The following ARHGAP26 variants were observed in gnomAD, a reference collection of about 807,000 sequenced individuals.
The protein encoded by ARHGAP26 is rho GTPase-activating protein 26.
A neutral mutation model predicts 104.8 loss-of-function variants in ARHGAP26; 38 were observed. That is an observed-to-expected ratio of 0.36 (90% CI 0.28 to 0.48). ARHGAP26 has a LOEUF of 0.48. ARHGAP26 is among the 20% of genes least tolerant of loss of function. The pLI, the probability that ARHGAP26 is intolerant of heterozygous loss-of-function variation, is 0.99. For synonymous variants in ARHGAP26, 341 were observed against 340.0 expected, an observed-to-expected ratio of 1.00 and a Z score of -0.03; for missense variants, 704 against 947.9, an observed-to-expected ratio of 0.74 and a Z score of 3.38.
At chr5:143,109,259 C>T (rs868616691) in intron 17 of ARHGAP26, among the ~76,000 whole-genome samples, 2 of 152,240 alleles carry the variant, frequency 1.3e-5, no homozygotes, top group Middle Eastern at 3.4e-3. Flanking sequence ...AGCACAATGA[C>T]CAAGAGGAAA....
intron 12 of ARHGAP26, among the ~76,000 whole-genome samples, chr5:143,023,119 T>C (rs1780567528): frequency 6.6e-6 from 1 of 152,202 alleles, no homozygotes; most frequent in South Asian, 2.1e-4. Context: ...CCCACCACTC[T>C]CCCACAGGGA....
At chr5:143,041,615 A>T (rs1338806043) in intron 13 of ARHGAP26, 1 of 572,870 alleles carries the variant, frequency 1.7e-6, no homozygotes, top group Non-Finnish European at 3.2e-6. Context: ...TGTGCAGCAC[A>T]TCCGTGAAAT....
intron 5 of ARHGAP26, among the ~76,000 whole-genome samples, chr5:142,886,590 A>G (rs1757738749): frequency 6.6e-6 from 1 of 152,254 alleles, no homozygotes; most frequent in Non-Finnish European, 1.5e-5. Context: ...TACAAAGCAG[A>G]AAATACTAAT....
intron 7 of ARHGAP26, 36 bp downstream of exon 7, chr5:142,902,075 T>G (rs1471779096): frequency 6.3e-7 from 1 of 1,583,598 alleles, no homozygotes; most frequent in East Asian, 2.2e-5. Context: ...TTTTATCTGG[T>G]TAAGGAAAAA....
chr5:143,077,072 A>G (rs1023923992), intron 17 of ARHGAP26, among the ~76,000 whole-genome samples: 2 of 152,250 alleles, frequency 1.3e-5, no homozygotes, highest in Admixed American at 1.3e-4. Flanking sequence ...ATTGGCTTAT[A>G]TGCCTGATAG....
chr5:142,877,897 C>T (rs1024854960), intron 3 of ARHGAP26, among the ~76,000 whole-genome samples: 3 of 152,160 alleles, frequency 2.0e-5, no homozygotes, highest in Non-Finnish European at 4.4e-5. Context: ...CAGAGACTTG[C>T]AGATGGTTTG....
At chr5:142,960,164 G>T (rs570622429) in intron 11 of ARHGAP26, among the ~76,000 whole-genome samples, 241 of 152,350 alleles carry the variant, frequency 1.6e-3, no homozygotes, top group African/African-American at 5.3e-3. Flanking sequence ...AGCAGCAGAA[G>T]AAAGTATACT....
chr5:143,204,434 G>A (rs1363735139), intron 20 of ARHGAP26, among the ~76,000 whole-genome samples: 1 of 152,240 alleles, frequency 6.6e-6, no homozygotes, highest in East Asian at 1.9e-4. Context: ...TGAGGTAGGA[G>A]AATCGCTTGA....
chr5:143,187,793 C>G (rs1289437955), intron 20 of ARHGAP26, among the ~76,000 whole-genome samples: 2 of 152,172 alleles, frequency 1.3e-5, no homozygotes, highest in Admixed American at 6.5e-5. Context: ...CCAGCCCTAC[C>G]TGGCATGTCA....
intron 22 of ARHGAP26, 74 bp from the exon 23 acceptor site, chr5:143,222,283 AC>A: frequency 1.2e-6 from 1 of 861,572 alleles, no homozygotes; most frequent in Non-Finnish European, 1.8e-6. Flanking sequence ...ACACACACAC[AC>A]CCCACACACA....
intron 12 of ARHGAP26, chr5:143,014,377 G>C: frequency 1.8e-6 from 1 of 543,522 alleles, no homozygotes; most frequent in Non-Finnish European, 3.3e-6. Context: ...GCATTCTCGT[G>C]TACATTATCT....
chr5:143,157,427 C>G (rs985110634), intron 20 of ARHGAP26, among the ~76,000 whole-genome samples: 1 of 152,198 alleles, frequency 6.6e-6, no homozygotes, highest in Non-Finnish European at 1.5e-5. Context: ...ATCCACCTGC[C>G]TCAGCCTCCC....
chr5:142,906,901 G>T (rs925264767), intron 8 of ARHGAP26, among the ~76,000 whole-genome samples: 1 of 151,838 alleles, frequency 6.6e-6, no homozygotes, highest in African/African-American at 2.4e-5. Flanking sequence ...AATTTCTGCT[G>T]TGTGATCTCC....
At chr5:143,163,750 C>T (rs1240755626) in intron 20 of ARHGAP26, among the ~76,000 whole-genome samples, 2 of 152,070 alleles carry the variant, frequency 1.3e-5, no homozygotes, top group Non-Finnish European at 2.9e-5. Context: ...CATGCCTGGC[C>T]AGAGTTCTAG....
At position 143,193,240 on chromosome 5, in the gene ARHGAP26, CTTTTTTT is replaced by C. The variant is rs57462040; in HGVS notation, c.1989-13939_1989-13933del. ...GGTATTACAGTGCTTATTTTCTTTT[CTTTTTTT>C]TTTTTTTTTTTTTTTTTTGAGGCAG... On this transcript the variant is annotated intron_variant, in intron 20 of 22. Transcript: ENST00000645722. 6.8e-3 allele frequency among the ~76,000 whole-genome samples: 510 copies of C among 74,602 alleles called. 4 individuals are homozygous for C. The highest frequency in any genetic ancestry group is 0.028 in the African/African-American group (481 of 16,938). The allele number at this position is 74,602 out of a possible 152,430, so 48.9% of individuals were successfully genotyped here. A position where few individuals can be genotyped will look rare whatever the true frequency, so the allele number is the denominator to read the frequency against.
intron 9 of ARHGAP26, among the ~76,000 whole-genome samples, chr5:142,908,520 C>T (rs1289745582): frequency 6.6e-6 from 1 of 152,192 alleles, no homozygotes; most frequent in Non-Finnish European, 1.5e-5. Flanking sequence ...AGCATGGTGG[C>T]CTCAGGGCAG....
intron 14 of ARHGAP26, among the ~76,000 whole-genome samples, chr5:143,045,888 C>G (rs1784158074): frequency 6.6e-6 from 1 of 152,130 alleles, no homozygotes; most frequent in Admixed American, 6.5e-5. Context: ...AATCCCAGCA[C>G]TTTGGGAGGT....
chr5:142,827,829 T>C (rs1477293838), intron 1 of ARHGAP26, among the ~76,000 whole-genome samples: 1 of 152,244 alleles, frequency 6.6e-6, no homozygotes, highest in African/African-American at 2.4e-5. Context: ...TTTCAAACAG[T>C]GTCTGGCACA....
At chr5:143,199,200 A>C (rs1807323441) in intron 20 of ARHGAP26, among the ~76,000 whole-genome samples, 1 of 152,358 alleles carries the variant, frequency 6.6e-6, no homozygotes, top group East Asian at 1.9e-4. Flanking sequence ...AAAGAACACG[A>C]AACAGTCAAG....
Sources: allele counts gnomAD v4.1 joint callset (sites outside exome capture counted in the v4.1 genomes callset), GRCh38; gene constraint gnomAD v4.1.1; transcripts MANE v1.5; gene names NCBI Gene and HGNC (gene_info 2026-07-23, HGNC 2026-07-21).